The following SCAF8 variants were observed in gnomAD, a reference collection of about 807,000 sequenced individuals.
SCAF8 encodes the protein SR-related and CTD-associated factor 8.
In SCAF8, 23 loss-of-function variants were observed where a neutral mutation model predicts 140.5. The observed-to-expected ratio is 0.16, with a 90% CI of 0.12 to 0.23. The LOEUF is 0.23. Among genes scored for constraint, SCAF8 ranks in the 10% least tolerant of loss-of-function variants. The pLI, the probability that SCAF8 is intolerant of heterozygous loss-of-function variation, is 1.00. For missense variants in SCAF8, 1,397 were observed against 1,555.7 expected, an observed-to-expected ratio of 0.90 and a Z score of 1.72; for synonymous variants, 575 against 528.9, an observed-to-expected ratio of 1.09 and a Z score of -1.20.
chr6:154,764,075 G>A (rs1259079496), intron 1 of SCAF8, among the ~76,000 whole-genome samples: 1 of 152,148 alleles, frequency 6.6e-6, no homozygotes, highest in Non-Finnish European at 1.5e-5. Flanking sequence ...CTTAAACCTC[G>A]AGGAATTAGA....
At chr6:154,736,804 C>T (rs1272273119) in intron 1 of SCAF8, among the ~76,000 whole-genome samples, 1 of 152,114 alleles carries the variant, frequency 6.6e-6, no homozygotes, top group African/African-American at 2.4e-5. Flanking sequence ...TAGCACTCTC[C>T]CATTTCCCCA....
In SCAF8 at chr6:154,803,612, A is replaced by C; in HGVS notation, c.852A>C (p.Pro284=). The C allele has an allele frequency of 6.2e-7, 1 of 1,610,208 alleles. No homozygotes were observed. The highest frequency in any genetic ancestry group is 8.5e-7 in the Non-Finnish European group (1 of 1,177,498). ...GTGAAGAACCCAAAAAGGAAATTCC[A>C]GCTTCACAACTGTAAGAATTTTTTC... ...EHSEEPKKEI[P]ASQLSHVSES... is the part of the protein sequence containing the mutation. Residue 284 remains proline, a synonymous_variant, in exon 8 of 20, where the codon CCA becomes CCC. Coordinates refer to ENST00000367178, the MANE Select transcript of SCAF8 (RefSeq NM_014892.5).
intron 3 of SCAF8, among the ~76,000 whole-genome samples, chr6:154,780,311 T>C (rs747197439): frequency 1.3e-5 from 2 of 152,152 alleles, no homozygotes; most frequent in African/African-American, 4.8e-5. Context: ...CGTAATTCTT[T>C]TGAGATCTAA....
chr6:154,819,891 G>A (rs1312391500), intron 14 of SCAF8, among the ~76,000 whole-genome samples: 2 of 151,764 alleles, frequency 1.3e-5, no homozygotes, highest in African/African-American at 4.8e-5. Context: ...GCAGGGCTAA[G>A]GCAGGAATAT....
In SCAF8 at chr6:154,833,150, C is replaced by T; in HGVS notation, c.3571C>T (p.Pro1191Ser). The change falls in exon 20 of 20, where the codon CCT (proline) becomes TCT (serine). Residue 1191 changes from proline (P) to serine (S), a missense_variant. Coordinates refer to ENST00000367178, the MANE Select transcript of SCAF8 (RefSeq NM_014892.5). Reference protein sequence around the residue: ...DRIQNTWVPPPHARVFDYFEG... With the variant: ...DRIQNTWVPPSHARVFDYFEG... ...AATTCAAAACACTTGGGTTCCCCCT[C>T]CTCATGCTCGGGTTTTTGATTATTT... 1 of 1,614,096 alleles carries T rather than the reference C, an allele frequency of 6.2e-7. No homozygotes were observed. Among genetic ancestry groups the T allele is most frequent in the Middle Eastern group, 1.6e-4 (1 of 6,062 alleles).
At chr6:154,820,722 G>A (rs1778394129) in intron 15 of SCAF8, among the ~76,000 whole-genome samples, 1 of 152,088 alleles carries the variant, frequency 6.6e-6, no homozygotes, top group Admixed American at 6.5e-5. Context: ...GAAAATAGCA[G>A]CAATAGAATC....
intron 1 of SCAF8, among the ~76,000 whole-genome samples, chr6:154,767,422 C>T (rs1406043730): frequency 6.6e-6 from 1 of 151,282 alleles, no homozygotes; most frequent in Non-Finnish European, 1.5e-5. Context: ...CTGCAAAAAC[C>T]TGTTCAGGGA....
intron 6 of SCAF8, among the ~76,000 whole-genome samples, chr6:154,799,073 C>G (rs1777690737): frequency 6.6e-6 from 1 of 150,756 alleles, no homozygotes; most frequent in Non-Finnish European, 1.5e-5. Flanking sequence ...CCCTCCGCCT[C>G]CCGGAGTGAT....
chr6:154,827,844 G>T (rs545635447), intron 18 of SCAF8, among the ~76,000 whole-genome samples: 6 of 148,734 alleles, frequency 4.0e-5, no homozygotes, highest in East Asian at 2.0e-4. Context: ...CGGGGGGGGG[G>T]GCGGTGTAAA....
chr6:154,737,622 C>A (rs1206349818), intron 1 of SCAF8, among the ~76,000 whole-genome samples: 3 of 152,204 alleles, frequency 2.0e-5, no homozygotes, highest in Non-Finnish European at 4.4e-5. Context: ...GTGGGAGGAT[C>A]TCATGACCCA....
chr6:154,759,879 C>T (rs1779058779), intron 1 of SCAF8, among the ~76,000 whole-genome samples: 1 of 152,032 alleles, frequency 6.6e-6, no homozygotes, highest in South Asian at 2.1e-4. Context: ...GTGATCAAGC[C>T]AGAATAGTCT....
At position 154,792,776 on chromosome 6, in the gene SCAF8, G is replaced by A. The variant is rs754683158; in HGVS notation, c.322-47G>A. 4.3e-6 allele frequency: 6 copies of A among 1,410,136 alleles called. No homozygotes were observed. In the Admixed American group the frequency reaches 1.0e-4, roughly 24 times the overall value. The allele number at this position is 1,410,136 out of a possible 1,614,324, so 87.4% of individuals were successfully genotyped here. On this transcript the variant is annotated intron_variant, in intron 4 of 19. Transcript: ENST00000367178. Reference sequence around the variant, plus strand: ...AGCCTCTATGAAATGACTGTACTAAGGTTTTGAGAGTAAAAACCAAAATGT... The same window carrying A: ...AGCCTCTATGAAATGACTGTACTAAAGTTTTGAGAGTAAAAACCAAAATGT...
chr6:154,820,821 TA>T, intron 15 of SCAF8, among the ~76,000 whole-genome samples: 1 of 152,192 alleles, frequency 6.6e-6, no homozygotes, highest in East Asian at 1.9e-4. Context: ...TGCTTTTTTT[TA>T]ATCCCCAAAA....
intron 13 of SCAF8, among the ~76,000 whole-genome samples, chr6:154,817,223 A>G (rs1778279402): frequency 6.6e-6 from 1 of 152,168 alleles, no homozygotes; most frequent in South Asian, 2.1e-4. Flanking sequence ...TTTTTAGCAA[A>G]GTGTCACAGC....
chr6:154,744,719 A>G (rs186661134), intron 1 of SCAF8, among the ~76,000 whole-genome samples: 1 of 152,322 alleles, frequency 6.6e-6, no homozygotes, highest in Non-Finnish European at 1.5e-5. Flanking sequence ...TTACTGGTAT[A>G]ATGTCCAAAT....
At chr6:154,735,631 A>G (rs1043089513) in intron 1 of SCAF8, among the ~76,000 whole-genome samples, 1 of 149,570 alleles carries the variant, frequency 6.7e-6, no homozygotes, top group African/African-American at 2.5e-5. Context: ...CTTCTGCCTC[A>G]GTGTCCCGAG....
chr6:154,802,206 TGG>T (rs1777792622), intron 7 of SCAF8, 59 bp downstream of exon 7: 2 of 996,328 alleles, frequency 2.0e-6, no homozygotes, highest in East Asian at 5.6e-5. Flanking sequence ...TATACTATCA[TGG>T]ATTTTAATTC....
chr6:154,822,517 ATGTT>A (rs1778451276), intron 16 of SCAF8, 108 bp downstream of exon 16: 5 of 1,169,086 alleles, frequency 4.3e-6, no homozygotes, highest in Admixed American at 2.3e-5. Context: ...ATTAGAATAA[ATGTT>A]TGTCAGTAGT....
chr6:154,794,986 G>T, intron 5 of SCAF8, 23 bp from the exon 6 acceptor site: 2 of 1,565,974 alleles, frequency 1.3e-6, no homozygotes, highest in South Asian at 1.2e-5. Context: ...TTTATTTGGG[G>T]GGTGTGATGT....
Sources: gnomAD v4.1 joint callset for allele counts (sites outside exome capture counted in the v4.1 genomes callset) on GRCh38, gnomAD v4.1.1 for gene constraint, MANE v1.5 for transcripts, NCBI Gene and HGNC (gene_info 2026-07-23, HGNC 2026-07-21) for gene names.